The following MAML3 variants were observed in gnomAD, a reference collection of about 807,000 sequenced individuals.
MAML3 encodes mastermind-like protein 3.
Under a neutral mutation model 101.9 loss-of-function variants are expected in MAML3, and 27 were observed. The ratio of observed to expected loss-of-function variants is 0.27; its 90% confidence interval spans 0.20 to 0.37. The LOEUF (loss-of-function observed/expected upper bound fraction) is 0.37. Among genes scored for constraint, MAML3 ranks in the 10% least tolerant of loss-of-function variants. The pLI, the probability that MAML3 is intolerant of heterozygous loss-of-function variation, is 1.00. For synonymous variants in MAML3, 501 were observed against 555.9 expected (o/e 0.90, Z 1.39); for missense variants, 1,316 against 1,444.9 (o/e 0.91, Z 1.45).
At chr4:139,859,883 A>AT (rs1047157867) in intron 2 of MAML3, among the ~76,000 whole-genome samples, 2 of 152,036 alleles carry the variant, frequency 1.3e-5, no homozygotes, top group Non-Finnish European at 1.5e-5. Flanking sequence ...ACGTGTAAAG[A>AT]TTTTTTTTAG....
chr4:140,092,590 C>G (rs1022266029), intron 1 of MAML3, among the ~76,000 whole-genome samples: 1 of 152,168 alleles, frequency 6.6e-6, no homozygotes, highest in Non-Finnish European at 1.5e-5. Flanking sequence ...ACTCACTCAT[C>G]GTGGTTTATC....
intron 1 of MAML3, among the ~76,000 whole-genome samples, chr4:140,120,192 G>C (rs1192065829): frequency 1.4e-5 from 2 of 147,064 alleles, no homozygotes; most frequent in African/African-American, 2.5e-5. Context: ...AGCCAAGATC[G>C]CGCCACCGCA....
At position 140,085,374 on chromosome 4, in the gene MAML3, G is replaced by A. The variant is rs117293623; in HGVS notation, c.468+67486C>T. On this transcript the variant is annotated intron_variant, in intron 1 of 4. Coordinates refer to ENST00000509479, the MANE Select transcript of MAML3 (RefSeq NM_018717.5). ...GGATCTGTTTCCCAGGGGACAGAGCGCAGGCCCCAGGGCACCCTCATAAAA... is the reference window on the plus strand; with the variant it reads ...GGATCTGTTTCCCAGGGGACAGAGCACAGGCCCCAGGGCACCCTCATAAAA... 5.5e-4 allele frequency among the ~76,000 whole-genome samples: 83 copies of A among 152,144 alleles called. No individual in the cohort carries two copies. The East Asian group carries it at 0.015, about 28-fold the overall frequency.
intron 2 of MAML3, among the ~76,000 whole-genome samples, chr4:139,886,862 C>T (rs1446058338): frequency 3.3e-5 from 5 of 152,028 alleles, no homozygotes; most frequent in African/African-American, 4.8e-5. Context: ...AGGAAGTAAG[C>T]GCATTCCTAT....
chr4:139,864,926 T>G (rs4863694), intron 2 of MAML3, among the ~76,000 whole-genome samples: 1,170 of 8,406 alleles, frequency 0.14, 60 homozygotes, highest in African/African-American at 0.35. Flanking sequence ...AAACTTGCTT[T>G]TTTTTTTTTT....
At chr4:139,736,319 G>C (rs986299814) in intron 2 of MAML3, among the ~76,000 whole-genome samples, 1 of 152,176 alleles carries the variant, frequency 6.6e-6, no homozygotes, top group African/African-American at 2.4e-5. Context: ...TTGAGAAGGC[G>C]AAAGTATGTA....
intron 2 of MAML3, among the ~76,000 whole-genome samples, chr4:139,754,414 A>G (rs1400899528): frequency 6.6e-6 from 1 of 152,208 alleles, no homozygotes; most frequent in Non-Finnish European, 1.5e-5. Flanking sequence ...TTCCAACCAA[A>G]ACATTCATTC....
intron 2 of MAML3, among the ~76,000 whole-genome samples, chr4:139,813,592 T>G (rs1730841152): frequency 6.6e-6 from 1 of 152,176 alleles, no homozygotes; most frequent in Admixed American, 6.5e-5. Context: ...TTTTCATACA[T>G]GCAAGGCCCC....
intron 1 of MAML3, among the ~76,000 whole-genome samples, chr4:139,993,384 C>A (rs1578633606): frequency 6.6e-6 from 1 of 150,948 alleles, no homozygotes; most frequent in Non-Finnish European, 1.5e-5. Context: ...TACATATATA[C>A]ACACATATAT....
chr4:140,058,995 G>A (rs948868843), intron 1 of MAML3, among the ~76,000 whole-genome samples: 1 of 152,198 alleles, frequency 6.6e-6, no homozygotes, highest in Non-Finnish European at 1.5e-5. Flanking sequence ...TGCATATGCT[G>A]AACAACACTG....
chr4:139,935,986 T>C (rs1009648330), intron 1 of MAML3, among the ~76,000 whole-genome samples: 1 of 152,208 alleles, frequency 6.6e-6, no homozygotes, highest in African/African-American at 2.4e-5. Context: ...CTGGAACTTA[T>C]CTATCCAGCA....
intron 2 of MAML3, among the ~76,000 whole-genome samples, chr4:139,762,263 T>C (rs1485860330): frequency 3.3e-5 from 5 of 152,044 alleles, no homozygotes; most frequent in African/African-American, 1.2e-4. Flanking sequence ...ACACAATAGG[T>C]GACTAAAAAG....
intron 1 of MAML3, among the ~76,000 whole-genome samples, chr4:140,071,688 C>T (rs17005529): frequency 0.053 from 7,921 of 149,708 alleles, 456 homozygotes; most frequent in African/African-American, 0.14. Context: ...AACGTATCAG[C>T]GTACATTCTC....
chr4:139,984,649 C>T (rs563024552), intron 1 of MAML3, among the ~76,000 whole-genome samples: 2 of 152,230 alleles, frequency 1.3e-5, no homozygotes, highest in South Asian at 2.1e-4. Flanking sequence ...TTGGCTCATG[C>T]GACTGTGGGG....
chr4:140,035,835 C>G (rs1353268040), intron 1 of MAML3, among the ~76,000 whole-genome samples: 2 of 151,770 alleles, frequency 1.3e-5, no homozygotes, highest in African/African-American at 4.8e-5. Flanking sequence ...AAGTTTAGCA[C>G]CAAATTGCTC....
chr4:140,017,210 C>T (rs915020498), intron 1 of MAML3, among the ~76,000 whole-genome samples: 1 of 152,136 alleles, frequency 6.6e-6, no homozygotes, highest in African/African-American at 2.4e-5. Flanking sequence ...TGTTCAACAT[C>T]ATTAGCCACC....
chr4:139,813,346 T>C (rs990608267), intron 2 of MAML3, among the ~76,000 whole-genome samples: 38 of 152,142 alleles, frequency 2.5e-4, no homozygotes, highest in African/African-American at 8.7e-4. Context: ...GAAAATTCCC[T>C]GAACAATGGG....
At chr4:139,755,476 T>C (rs996836193) in intron 2 of MAML3, among the ~76,000 whole-genome samples, 3 of 151,978 alleles carry the variant, frequency 2.0e-5, no homozygotes, top group African/African-American at 4.8e-5. Context: ...GGTGTGGTGG[T>C]GGGCGCCTGT....
At position 139,864,923 on chromosome 4, in the gene MAML3, C is replaced by CT. The variant is rs56361332; in HGVS notation, c.2079+24433dup. ...TTAGGAAAATAGTAATGCAAACTTG[C>CT]TTTTTTTTTTTTTTTTTTTTTTTTT... On this transcript the variant is annotated intron_variant, in intron 2 of 4. Coordinates refer to ENST00000509479, the MANE Select transcript of MAML3 (RefSeq NM_018717.5). Among the ~76,000 whole-genome samples the CT allele has an allele frequency of 2.8e-3, 177 of 62,456 alleles. 25 individuals carry two copies. Among genetic ancestry groups the CT allele is most frequent in the East Asian group, 8.7e-3 (13 of 1,490 alleles). 41.0% of individuals were successfully genotyped at this position (62,456 alleles called of 152,430 possible). A position where few individuals can be genotyped will look rare whatever the true frequency, so the allele number is the denominator to read the frequency against.
Sources: allele counts gnomAD v4.1 joint callset (sites outside exome capture counted in the v4.1 genomes callset), GRCh38; gene constraint gnomAD v4.1.1; transcripts MANE v1.5; gene names NCBI Gene and HGNC (gene_info 2026-07-23, HGNC 2026-07-21).